The following SETX variants were observed in gnomAD, a reference collection of about 807,000 sequenced individuals.
SETX encodes helicase senataxin.
SETX carries 90 observed loss-of-function variants against 227.2 expected under a neutral mutation model. The observed-to-expected ratio is 0.40, with a 90% CI of 0.33 to 0.47. The LOEUF (loss-of-function observed/expected upper bound fraction) is 0.47. Among genes scored for constraint, SETX ranks in the 20% least tolerant of loss-of-function variants. The pLI, the probability that SETX is intolerant of heterozygous loss-of-function variation, is 0.91. For synonymous variants in SETX, 1,210 were observed against 1,113.2 expected, an observed-to-expected ratio of 1.09 and a Z score of -1.73; for missense variants, 3,052 against 3,181.5, an observed-to-expected ratio of 0.96 and a Z score of 0.98.
chr9:132,327,452 C>T lies in SETX; in HGVS notation c.4146G>A (p.Gln1382=), dbSNP rs757870084. 1.2e-6 allele frequency: 2 copies of T among 1,614,168 alleles called. No individual in the cohort carries two copies. Among genetic ancestry groups the T allele is most frequent in the African/African-American group, 2.7e-5 (2 of 75,070 alleles). Reference sequence around the variant, plus strand: ...ATTCTGGTACAAATATGTCAGAATTCTGTGCTGTATGTGACCCTGCTCTTT... The same window carrying T: ...ATTCTGGTACAAATATGTCAGAATTTTGTGCTGTATGTGACCCTGCTCTTT... ...DVKRAGSHTA[Q]NSDIFVPESD... The change falls in exon 10 of 26, where the codon CAG becomes CAA. Residue 1382 remains glutamine, a synonymous_variant. Coordinates refer to ENST00000224140, the MANE Select transcript of SETX (RefSeq NM_015046.7).
intron 11 of SETX, among the ~76,000 whole-genome samples, chr9:132,310,929 G>A (rs923881964): frequency 2.0e-5 from 3 of 152,130 alleles, no homozygotes; most frequent in East Asian, 3.8e-4. Context: ...TAAGAATACA[G>A]TACATAATAC....
chr9:132,276,687 C>T (rs780764726), intron 22 of SETX, among the ~76,000 whole-genome samples: 18 of 152,188 alleles, frequency 1.2e-4, no homozygotes, highest in Non-Finnish European at 2.5e-4. Context: ...TACTTCCTTC[C>T]TCCCTTTCAC....
intron 10 of SETX, among the ~76,000 whole-genome samples, chr9:132,325,474 T>C (rs10901164): frequency 0.12 from 17,656 of 152,254 alleles, 1,563 homozygotes; most frequent in East Asian, 0.42. Flanking sequence ...TCAAGAAAAC[T>C]ACAGCAGAGG....
intron 13 of SETX, among the ~76,000 whole-genome samples, chr9:132,297,530 C>T (rs960781520): frequency 6.6e-6 from 1 of 152,186 alleles, no homozygotes; most frequent in African/African-American, 2.4e-5. Flanking sequence ...ACAAGCTAGG[C>T]CACTACGCTC....
intron 10 of SETX, among the ~76,000 whole-genome samples, chr9:132,320,783 G>C (rs1247475830): frequency 6.6e-6 from 1 of 151,966 alleles, no homozygotes; most frequent in Non-Finnish European, 1.5e-5. Context: ...AAACACCAAA[G>C]AGATTTTAAA....
intron 10 of SETX, among the ~76,000 whole-genome samples, chr9:132,325,953 G>T (rs75624017): frequency 2.3e-4 from 34 of 144,930 alleles, no homozygotes; most frequent in African/African-American, 8.4e-4. Context: ...AAAAAAAAAA[G>T]TGTTTCCTCT....
At chr9:132,281,334 T>C in intron 20 of SETX, 133 bp downstream of exon 20, 1 of 682,176 alleles carries the variant, frequency 1.5e-6, no homozygotes, top group Non-Finnish European at 2.6e-6. Context: ...TAAGTGCTTC[T>C]CTTTTCTTAG....
At chr9:132,278,689 G>T (rs1251971902) in intron 20 of SETX, among the ~76,000 whole-genome samples, 3 of 152,012 alleles carry the variant, frequency 2.0e-5, no homozygotes, top group African/African-American at 7.2e-5. Flanking sequence ...AAAGAGATAT[G>T]ATCTTGTGAA....
intron 10 of SETX, among the ~76,000 whole-genome samples, chr9:132,317,749 C>G (rs908187605): frequency 7.2e-5 from 11 of 152,122 alleles, no homozygotes; most frequent in Non-Finnish European, 1.2e-4. Flanking sequence ...AGGCATGAGC[C>G]ACTGTACCTG....
At chr9:132,265,234 T>TTG (rs1554801951) in intron 25 of SETX, among the ~76,000 whole-genome samples, 16 of 147,140 alleles carry the variant, frequency 1.1e-4, no homozygotes, top group African/African-American at 4.0e-4. Context: ...GTTTTTTTTT[T>TTG]TTTTTTTTTT....
At chr9:132,335,390 C>CAAAAA (rs1157691529) in intron 6 of SETX, among the ~76,000 whole-genome samples, 1 of 51,992 alleles carries the variant, frequency 1.9e-5, no homozygotes, top group South Asian at 1.2e-3. Context: ...GACTCCGTCT[C>CAAAAA]AAAAAAAAAA....
chr9:132,264,559 T>G lies in SETX; in HGVS notation c.7714A>C (p.Thr2572Pro), dbSNP rs1554801473. 1 of 1,614,088 alleles carries G rather than the reference T, an allele frequency of 6.2e-7. No individual in the cohort carries two copies. The highest frequency in any genetic ancestry group is 1.1e-5 in the South Asian group (1 of 91,076). Reference protein sequence around the residue: ...SPQHPGATPPTGEPGFPVVHQ... With the variant: ...SPQHPGATPPPGEPGFPVVHQ... ...ACGACAGGGAAGCCCGGCTCGCCCG[T>G]AGGAGGTGTTGCTCCAGGATGCTGG... The change falls in exon 26 of 26, where the codon ACG becomes CCG. Residue 2572 changes from threonine to proline, a missense_variant. By Grantham distance (38) the Thr-to-Pro change is conservative. Transcript: ENST00000224140.
chr9:132,297,194 A>T (rs1844723249), intron 13 of SETX, 140 bp from the exon 14 acceptor site: 1 of 684,516 alleles, frequency 1.5e-6, no homozygotes, highest in Non-Finnish European at 2.5e-6. Flanking sequence ...AGACAAGGAC[A>T]CCAAAGTGAC....
intron 2 of SETX, among the ~76,000 whole-genome samples, chr9:132,353,178 C>T (rs1281089173): frequency 6.6e-6 from 1 of 152,162 alleles, no homozygotes; most frequent in Non-Finnish European, 1.5e-5. Flanking sequence ...TCAACACACA[C>T]AAGGCCCGCG....
In SETX at chr9:132,331,304, A is replaced by G. The variant is rs2131468034; in HGVS notation, c.983T>C (p.Ile328Thr). 1 of 1,614,088 alleles carries G rather than the reference A, an allele frequency of 6.2e-7. No homozygotes were observed. The highest frequency in any genetic ancestry group is 8.5e-7 in the Non-Finnish European group (1 of 1,179,994). ...IINNASYNRE[I>T]RHIRNSSVRT... The stretch of plus-strand genomic sequence containing the variant: ...TACAGAGCTGTTCCGTATATGTCGG[A>G]TCTCTCTATTGTAGCTTGCGTTGTT... The change falls in exon 8 of 26, where the codon ATC (isoleucine) becomes ACC (threonine). Residue 328 changes from isoleucine to threonine, a missense_variant. Physicochemically the swap from Ile to Thr is moderately conservative, Grantham distance 89 (BLOSUM62 -1). This residue lies in a region of SETX where 239 missense variants were observed against 240.8 expected (regional missense o/e 0.99). Transcript: ENST00000224140.
At chr9:132,316,659 T>C (rs1845986669) in intron 10 of SETX, among the ~76,000 whole-genome samples, 1 of 152,254 alleles carries the variant, frequency 6.6e-6, no homozygotes. Flanking sequence ...CAGTTTCCTC[T>C]AACGATCCAT....
intron 6 of SETX, among the ~76,000 whole-genome samples, chr9:132,335,175 A>C (rs189049946): frequency 6.6e-6 from 1 of 151,420 alleles, no homozygotes; most frequent in Non-Finnish European, 1.5e-5. Flanking sequence ...CAGATCACAA[A>C]GTCAGGAGAT....
In SETX at chr9:132,277,143, T is replaced by TTC. The variant is rs748700245; in HGVS notation, c.6850_6851dup (p.Ala2285LysfsTer32). ...GCCAATCTGATGAACATCGAATGGC[T>TTC]TCTGTCTGTCTGTAAAAAAAAAAAA... On this transcript the variant is annotated frameshift_variant, in exon 22 of 26. Coordinates refer to ENST00000224140, the MANE Select transcript of SETX (RefSeq NM_015046.7). LOFTEE classifies it high-confidence loss of function. 1.9e-6 allele frequency: 3 copies of TTC among 1,610,746 alleles called. No homozygotes were observed. Among genetic ancestry groups the TTC allele is most frequent in the African/African-American group, 2.7e-5 (2 of 73,860 alleles).
chr9:132,324,954 C>T (rs190712269), intron 10 of SETX, among the ~76,000 whole-genome samples: 7 of 152,210 alleles, frequency 4.6e-5, no homozygotes, highest in Non-Finnish European at 1.0e-4. Flanking sequence ...CAAATTTTAA[C>T]GGGAATCTTA....
Sources: gnomAD v4.1 joint callset for allele counts (sites outside exome capture counted in the v4.1 genomes callset) on GRCh38, gnomAD v4.1.1 for gene constraint, gnomAD v4.1.1 regional missense constraint, MANE v1.5 for transcripts, NCBI Gene and HGNC (gene_info 2026-07-23, HGNC 2026-07-21) for gene names.